The following PHLPP2 variants were observed in gnomAD, a reference collection of about 807,000 sequenced individuals.
The protein encoded by PHLPP2 is PH domain leucine-rich repeat-containing protein phosphatase 2.
A neutral mutation model predicts 124.9 loss-of-function variants in PHLPP2; 66 were observed. The ratio of observed to expected loss-of-function variants is 0.53; its 90% CI spans 0.43 to 0.65. PHLPP2 has a LOEUF of 0.65. Among genes scored for constraint, PHLPP2 ranks in the 30% least tolerant of loss-of-function variants. The pLI, the probability that PHLPP2 is intolerant of heterozygous loss-of-function variation, is 0.00. For synonymous variants in PHLPP2, 681 were observed against 624.7 expected (o/e 1.09, Z -1.34); for missense variants, 1,685 against 1,600.4 (o/e 1.05, Z -0.90).
At chr16:71,684,229 G>A (rs538051135) in intron 5 of PHLPP2, among the ~76,000 whole-genome samples, 9 of 149,780 alleles carry the variant, frequency 6.0e-5, no homozygotes, top group South Asian at 2.1e-4. Flanking sequence ...GGATTCAAGC[G>A]ATTCGCCTGC....
chr16:71,675,054 T>C (rs1344699466), intron 9 of PHLPP2, among the ~76,000 whole-genome samples: 1 of 152,174 alleles, frequency 6.6e-6, no homozygotes, highest in Non-Finnish European at 1.5e-5. Flanking sequence ...TACATCTCCT[T>C]GTGCACATGT....
chr16:71,659,247 ATTT>A lies in PHLPP2; in HGVS notation c.1986-435_1986-433del, dbSNP rs11357819. The stretch of plus-strand genomic sequence containing the variant: ...GAGGTTGTACTAAATCATCACAAAG[ATTT>A]TTTTTTTTTTTTTTTTTTGAGATGG... On this transcript the variant is annotated intron_variant, in intron 13 of 18. Transcript: ENST00000568954. Among the ~76,000 whole-genome samples the A allele has an allele frequency of 5.7e-3, 514 of 89,838 alleles. 3 individuals are homozygous for A. The highest frequency in any genetic ancestry group is 0.02 in the African/African-American group (478 of 23,856). 58.9% of individuals were successfully genotyped at this position (89,838 alleles called of 152,430 possible).
Position 71,655,262 on chromosome 16 carries a change from T to C in PHLPP2, c.2563A>G (p.Asn855Asp). The change falls in exon 17 of 19, where the codon AAC (asparagine) becomes GAC (aspartate). Residue 855 changes from asparagine to aspartate, a missense_variant. Asn to Asp is a conservative substitution (Grantham distance 23, BLOSUM62 1). Transcript: ENST00000568954. ...QSTNDTVFMA[N>D]TFLVSHRKLG... Reference sequence around the variant, plus strand: ...TACCTGTGAGATACCAAGAAGGTGTTAGCCATGAAAACTGTGTCATTAGTT... The same window carrying C: ...TACCTGTGAGATACCAAGAAGGTGTCAGCCATGAAAACTGTGTCATTAGTT... 3 of 1,613,234 alleles carry C rather than the reference T, an allele frequency of 1.9e-6. No homozygotes were observed. Among genetic ancestry groups the C allele is most frequent in the African/African-American group, 2.7e-5 (2 of 75,008 alleles).
intron 18 of PHLPP2, among the ~76,000 whole-genome samples, chr16:71,651,648 T>C (rs1421089710): frequency 6.6e-6 from 1 of 152,248 alleles, no homozygotes; most frequent in East Asian, 1.9e-4. Flanking sequence ...ATTCTAATAG[T>C]ATCAATCACA....
chr16:71,698,449 TG>T, intron 3 of PHLPP2: 1 of 743,828 alleles, frequency 1.3e-6, no homozygotes, highest in East Asian at 2.6e-5. Context: ...CATGGTAACT[TG>T]GCCAATGTGA....
In PHLPP2 at chr16:71,677,453, CATATAT is replaced by C. The variant is rs9302629; in HGVS notation, c.1269-810_1269-805del. 7.6e-3 allele frequency: 1,021 copies of C among 133,578 alleles called. 10 individuals carry two copies. The highest frequency in any genetic ancestry group is 0.023 in the African/African-American group (781 of 34,594). The allele number at this position is 133,578 out of a possible 1,614,324, so 8.3% of individuals were successfully genotyped here. A position where few individuals can be genotyped will look rare whatever the true frequency, so the allele number is the denominator to read the frequency against. ...TTAACAGACAAGGAAATAATCTGCA[CATATAT>C]ATATATATATATATATATATATATA... On this transcript the variant is annotated intron_variant, in intron 8 of 18. Transcript: ENST00000568954.
chr16:71,647,889 T>C lies in PHLPP2; in HGVS notation c.*1001A>G, dbSNP rs2044664715. 6.6e-6 allele frequency: 1 copy of C among 152,520 alleles called. No individual in the cohort carries two copies. The highest frequency in any genetic ancestry group is 2.4e-5 in the African/African-American group (1 of 41,434). 9.4% of individuals were successfully genotyped at this position (152,520 alleles called of 1,614,324 possible). Reference sequence around the variant, plus strand: ...AATCAACTTCACAGGGCCCTTCCTATACCCTCGAATAAGTCTCCAACACCC... The same window carrying C: ...AATCAACTTCACAGGGCCCTTCCTACACCCTCGAATAAGTCTCCAACACCC... On this transcript the variant is annotated 3_prime_UTR_variant, in exon 19 of 19. Coordinates refer to ENST00000568954, the MANE Select transcript of PHLPP2 (RefSeq NM_015020.3).
At chr16:71,720,188 C>T (rs2045389750) in intron 1 of PHLPP2, among the ~76,000 whole-genome samples, 2 of 151,734 alleles carry the variant, frequency 1.3e-5, no homozygotes, top group Non-Finnish European at 2.9e-5. Context: ...CCAGGATGGT[C>T]TCGATCTCCT....
rs2044971234 is a variant in PHLPP2 at position 71,678,845 on chromosome 16, A to T, written c.1178T>A (p.Leu393Ter). ...IPEVYEKLTM[L>*]DRVVMAGNCL... ...ATTTCCTGCCATAACCACTCTATCT[A>T]ACATAGTGAGTTTCTCATAAACCTC... Residue 393 changes from leucine (L) to a stop codon, truncating the protein, a stop_gained, in exon 8 of 19, where the codon TTA (leucine) becomes TAA (stop). Coordinates refer to ENST00000568954, the MANE Select transcript of PHLPP2 (RefSeq NM_015020.3). LOFTEE classifies it high-confidence loss of function. 6.2e-7 allele frequency: 1 copy of T among 1,612,106 alleles called. No homozygotes were observed. The highest frequency in any genetic ancestry group is 1.3e-5 in the African/African-American group (1 of 74,870).
chr16:71,660,372 C>CAAAA (rs1158155665), intron 13 of PHLPP2, among the ~76,000 whole-genome samples: 1 of 26,980 alleles, frequency 3.7e-5, no homozygotes, highest in Admixed American at 6.1e-4. Flanking sequence ...GACCTTGTCT[C>CAAAA]AAAAAAAAAA....
At chr16:71,708,778 T>C (rs562772318) in intron 2 of PHLPP2, among the ~76,000 whole-genome samples, 2 of 151,796 alleles carry the variant, frequency 1.3e-5, no homozygotes, top group East Asian at 3.9e-4. Flanking sequence ...AGAATGAGAC[T>C]CCATCTCAGA....
At chr16:71,682,833 T>C (rs2045015685) in intron 5 of PHLPP2, among the ~76,000 whole-genome samples, 1 of 152,170 alleles carries the variant, frequency 6.6e-6, no homozygotes, top group African/African-American at 2.4e-5. Flanking sequence ...TAATATAATA[T>C]GGGTTATAAA....
intron 3 of PHLPP2, among the ~76,000 whole-genome samples, chr16:71,699,890 C>G (rs1245543326): frequency 6.6e-6 from 1 of 152,220 alleles, no homozygotes; most frequent in African/African-American, 2.4e-5. Flanking sequence ...CCTGCACTCG[C>G]TCTCCTATGC....
chr16:71,694,930 G>A (rs971190535), intron 3 of PHLPP2, among the ~76,000 whole-genome samples: 7 of 151,850 alleles, frequency 4.6e-5, no homozygotes, highest in Non-Finnish European at 8.8e-5. Context: ...GACTACAGGC[G>A]CCTGCCACCA....
rs1055325474 is a variant in PHLPP2, at chr16:71,647,323, T to C, written c.*1567A>G. The C allele has an allele frequency of 1.3e-5, 2 of 152,254 alleles. No homozygotes were observed. Among genetic ancestry groups the C allele is most frequent in the African/African-American group, 4.8e-5 (2 of 41,340 alleles). 9.4% of individuals were successfully genotyped at this position (152,254 alleles called of 1,614,324 possible). A position where few individuals can be genotyped will look rare whatever the true frequency, so the allele number is the denominator to read the frequency against. On this transcript the variant is annotated 3_prime_UTR_variant, in exon 19 of 19. Coordinates refer to ENST00000568954, the MANE Select transcript of PHLPP2 (RefSeq NM_015020.3). ...TGGAATGTGCAAAGAGTATAGGTTT[T>C]CTGTAAGCTTAAGAATTTCTCAATG...
chr16:71,649,511 G>A lies in PHLPP2; in HGVS notation c.3351C>T (p.Arg1117=). Residue 1117 remains arginine, a synonymous_variant, in exon 19 of 19, where the codon CGC becomes CGT. Coordinates refer to ENST00000568954, the MANE Select transcript of PHLPP2 (RefSeq NM_015020.3). The part of the protein sequence containing the change: ...DTALLPRPER[R]CSLHPTPTSG... ...AGGTGGGTGTTGGGTGGAGGCTGCA[G>A]CGCCGCTCTGGCCTCGGAAGCAAGG... 6.2e-7 allele frequency: 1 copy of A among 1,614,178 alleles called. No individual in the cohort carries two copies. Among genetic ancestry groups the A allele is most frequent in the South Asian group, 1.1e-5 (1 of 91,082 alleles).
intron 2 of PHLPP2, among the ~76,000 whole-genome samples, chr16:71,705,887 C>T (rs965537844): frequency 1.3e-5 from 2 of 152,074 alleles, no homozygotes; most frequent in Admixed American, 1.3e-4. Flanking sequence ...AGTACAAAAA[C>T]AAGTAAAATG....
rs768599919 is a variant in PHLPP2, at chr16:71,702,620, G to A, written c.396C>T (p.Gly132=). 1.2e-6 allele frequency: 2 copies of A among 1,610,692 alleles called. No individual in the cohort carries two copies. The highest frequency in any genetic ancestry group is 3.3e-5 in the Admixed American group (2 of 59,974). ...IQEEATNPDL[G]CMIRFYGEKP... Reference sequence around the variant, plus strand: ...TACCACCATAAAATCGAATCATACAGCCGAGGTCAGGATTTGTAGCCTCCT... The same window carrying A: ...TACCACCATAAAATCGAATCATACAACCGAGGTCAGGATTTGTAGCCTCCT... Residue 132 remains glycine, a synonymous_variant, in exon 3 of 19, where the codon GGC becomes GGT. Coordinates refer to ENST00000568954, the MANE Select transcript of PHLPP2 (RefSeq NM_015020.3).
At chr16:71,684,125 CTT>C (rs397816254) in intron 5 of PHLPP2, among the ~76,000 whole-genome samples, 19 of 118,806 alleles carry the variant, frequency 1.6e-4, no homozygotes, top group Non-Finnish European at 1.4e-4. Context: ...TTGAGGTACT[CTT>C]TTTTTTTTTT....
Sources: gnomAD v4.1 joint callset for allele counts (sites outside exome capture counted in the v4.1 genomes callset) on GRCh38, gnomAD v4.1.1 for gene constraint, MANE v1.5 for transcripts, NCBI Gene and HGNC (gene_info 2026-07-23, HGNC 2026-07-21) for gene names.